MAF: variants seen among roughly 807,000 people sequenced by gnomAD.
MAF encodes the protein MAF bZIP transcription factor, also known as transcription factor Maf.
MAF carries 10 observed loss-of-function variants against 22.0 expected under a neutral mutation model. The observed-to-expected ratio is 0.45, with a 90% CI of 0.28 to 0.77. The LOEUF (loss-of-function observed/expected upper bound fraction) is 0.77. Ranked by LOEUF, MAF falls within the 30% of genes least tolerant of loss-of-function variation. MAF has a pLI of 0.12. For missense variants in MAF, 544 were observed against 548.4 expected (o/e 0.99, Z 0.08); for synonymous variants, 337 against 255.8 (o/e 1.32, Z -3.03).
chr16:79,205,379 C>T, the MAF span: 1 of 152,286 alleles, frequency 6.6e-6, no homozygotes, highest in East Asian at 1.9e-4. Flanking sequence ...GGTTTTTCTA[C>T]CTTTGTGAAC....
the MAF span, among the ~76,000 whole-genome samples, chr16:79,379,605 T>C: frequency 2.0e-5 from 3 of 152,214 alleles, no homozygotes; most frequent in Admixed American, 6.5e-5. Context: ...GTGTTACATT[T>C]GCTCTGGCTT....
At chr16:79,595,188 G>A (rs1913443859) in intron 1 of MAF, 4 of 1,043,170 alleles carry the variant, frequency 3.8e-6, no homozygotes, top group South Asian at 9.2e-5. Context: ...GCTCATGAGG[G>A]GAGGTTTACT....
chr16:79,465,644 TA>T, the MAF span, among the ~76,000 whole-genome samples: 23 of 152,068 alleles, frequency 1.5e-4, no homozygotes, highest in African/African-American at 5.3e-4. Flanking sequence ...AACATACTTG[TA>T]AACACATATT....
chr16:79,217,161 A>T, the MAF span, among the ~76,000 whole-genome samples: 1 of 152,188 alleles, frequency 6.6e-6, no homozygotes, highest in Non-Finnish European at 1.5e-5. Context: ...ACTCTGTGCC[A>T]GTTGATGGGT....
the MAF span, among the ~76,000 whole-genome samples, chr16:79,360,566 T>C: frequency 3.3e-5 from 5 of 152,318 alleles, no homozygotes; most frequent in Admixed American, 6.5e-5. Context: ...GCCATAGGCT[T>C]AGGGTAAATA....
the MAF span, among the ~76,000 whole-genome samples, chr16:79,214,703 CTTTTTTTTT>C: frequency 1.4e-4 from 6 of 43,074 alleles, no homozygotes; most frequent in East Asian, 7.8e-4. Flanking sequence ...CTGTGCCTGG[CTTTTTTTTT>C]TTTTTTTTTT....
chr16:79,443,844 T>C, the MAF span, among the ~76,000 whole-genome samples: 2 of 151,988 alleles, frequency 1.3e-5, no homozygotes, highest in Non-Finnish European at 2.9e-5. Flanking sequence ...TTAATTTAAA[T>C]GAGGTAGGTA....
At chr16:79,318,766 G>C in the MAF span, among the ~76,000 whole-genome samples, 2 of 152,086 alleles carry the variant, frequency 1.3e-5, no homozygotes, top group African/African-American at 4.8e-5. Context: ...ACACTCTTAA[G>C]GCTACAAGAG....
At chr16:79,276,960 C>T in the MAF span, among the ~76,000 whole-genome samples, 312 of 152,234 alleles carry the variant, frequency 2.0e-3, no homozygotes, top group African/African-American at 7.2e-3. Flanking sequence ...CTGGCTGTGT[C>T]ACTCCAATCT....
the MAF span, among the ~76,000 whole-genome samples, chr16:79,453,352 GC>G: frequency 6.6e-6 from 1 of 152,064 alleles, no homozygotes. Flanking sequence ...ACCTAAGATG[GC>G]ATCCGGTAAC....
At chr16:79,456,186 G>A in the MAF span, among the ~76,000 whole-genome samples, 2 of 152,134 alleles carry the variant, frequency 1.3e-5, no homozygotes, top group East Asian at 1.9e-4. Context: ...CATCCACCCC[G>A]CACAGAGCCT....
At chr16:79,238,742 A>G in the MAF span, among the ~76,000 whole-genome samples, 1 of 152,064 alleles carries the variant, frequency 6.6e-6, no homozygotes, top group Non-Finnish European at 1.5e-5. Flanking sequence ...AAAATCAGTC[A>G]TTTATTTGAA....
chr16:79,288,982 G>C, the MAF span, among the ~76,000 whole-genome samples: 1 of 152,270 alleles, frequency 6.6e-6, no homozygotes, highest in Admixed American at 6.5e-5. Context: ...CACCCGCCTC[G>C]GCCTCCCAAA....
At chr16:79,375,157 G>A in the MAF span, among the ~76,000 whole-genome samples, 1 of 152,222 alleles carries the variant, frequency 6.6e-6, no homozygotes, top group African/African-American at 2.4e-5. Flanking sequence ...AGTGTAAAAA[G>A]TGGATGGCTA....
chr16:79,420,517 T>A, the MAF span, among the ~76,000 whole-genome samples: 3 of 151,982 alleles, frequency 2.0e-5, no homozygotes, highest in Admixed American at 2.0e-4. Flanking sequence ...AAAAATAGAG[T>A]GATTTTTCAA....
the MAF span, among the ~76,000 whole-genome samples, chr16:79,220,029 G>A: frequency 2.0e-5 from 3 of 151,984 alleles, no homozygotes; most frequent in East Asian, 5.8e-4. Context: ...GCCAAGGTGG[G>A]CAGATCACCT....
chr16:79,592,425 G>A (rs1913242477), downstream of MAF, among the ~76,000 whole-genome samples: 1 of 152,228 alleles, frequency 6.6e-6, no homozygotes, highest in African/African-American at 2.4e-5. Flanking sequence ...CTTTTCTGGG[G>A]CTGTTTGATG....
chr16:79,530,274 C>T, the MAF span, among the ~76,000 whole-genome samples: 3 of 152,094 alleles, frequency 2.0e-5, no homozygotes, highest in Non-Finnish European at 2.9e-5. Flanking sequence ...CTGGGTTTTC[C>T]GTGGTCTCAG....
the MAF span, among the ~76,000 whole-genome samples, chr16:79,483,770 T>G: frequency 6.6e-6 from 1 of 152,312 alleles, no homozygotes. Context: ...TGGGGCTGGA[T>G]AAGCAGAAAG....
Sources: allele counts gnomAD v4.1 joint callset (sites outside exome capture counted in the v4.1 genomes callset), GRCh38; gene constraint gnomAD v4.1.1; transcripts MANE v1.5; gene names NCBI Gene and HGNC (gene_info 2026-07-23, HGNC 2026-07-21).